CYB561: variants seen among roughly 807,000 people sequenced by gnomAD.
CYB561 encodes the protein cytochrome b561.
In CYB561, 11 loss-of-function variants were observed where a neutral mutation model predicts 25.3. The ratio of observed to expected loss-of-function variants is 0.44; its 90% confidence interval spans 0.27 to 0.72. The LOEUF is 0.72. Among genes scored for constraint, CYB561 ranks in the 30% least tolerant of loss-of-function variants. The pLI is 0.18. For synonymous variants in CYB561, 165 were observed against 158.8 expected, an observed-to-expected ratio of 1.04 and a Z score of -0.29; for missense variants, 295 against 334.9, an observed-to-expected ratio of 0.88 and a Z score of 0.93.
In CYB561 at chr17:63,434,580, G is replaced by GCGCT; in HGVS notation, c.574_577dup (p.Ala193GlufsTer4). The GCGCT allele has an allele frequency of 6.2e-7, 1 of 1,610,600 alleles. No individual in the cohort carries two copies. Among genetic ancestry groups the GCGCT allele is most frequent in the Non-Finnish European group, 8.5e-7 (1 of 1,179,830 alleles). On this transcript the variant is annotated frameshift_variant, in exon 6 of 6. Coordinates refer to ENST00000360793, the MANE Select transcript of CYB561 (RefSeq NM_001915.4). LOFTEE classifies it high-confidence loss of function. ...GGCCAGGACACCCTCGGGCTCAAAT[G>GCGCT]CGCTATACTTGCCCCTGCAGGGGTG...
chr17:63,434,464 C>T lies in CYB561; in HGVS notation c.694G>A (p.Glu232Lys), dbSNP rs1467268034. 6.2e-7 allele frequency: 1 copy of T among 1,606,954 alleles called. No individual in the cohort carries two copies. The highest frequency in any genetic ancestry group is 8.5e-7 in the Non-Finnish European group (1 of 1,176,952). The change falls in exon 6 of 6, where the codon GAG becomes AAG. Residue 232 changes from glutamate to lysine, a missense_variant. Physicochemically the swap from Glu to Lys is moderately conservative, Grantham distance 56. Transcript: ENST00000360793. ...ADWKRPSQAE[E>K]QALSMDFKTL... ...TTGAAGTCCATGGAGAGGGCCTGCT[C>T]TTCCGCCTGGGAAGGCCGCTTCCAG...
intron 1 of CYB561, among the ~76,000 whole-genome samples, chr17:63,441,516 G>A (rs1392004459): frequency 3.3e-5 from 5 of 152,248 alleles, no homozygotes; most frequent in African/African-American, 1.2e-4. Flanking sequence ...CTAAAGGGGC[G>A]TGCAGATGAG....
chr17:63,440,262 T>G, intron 1 of CYB561: 1 of 398,742 alleles, frequency 2.5e-6, no homozygotes. Context: ...CGCCAAGTTC[T>G]CTCATGCCCT....
intron 1 of CYB561, chr17:63,440,634 C>T: frequency 5.6e-6 from 1 of 177,950 alleles, no homozygotes. Context: ...CCCAGCCTGG[C>T]TCCCTGCTGT....
In CYB561 at chr17:63,435,173, T is replaced by C. The variant is rs1283008959; in HGVS notation, c.476A>G (p.Gln159Arg). ...GATGGTAGCACCAAAGAAGATGTGC[T>C]GTGGGCGGTAGCGGCTCCGCAGGGA... is the stretch of plus-strand genomic sequence containing the variant. ...SFSLRSRYRPQHIFFGATIFL... is the reference protein window; with the variant it reads ...SFSLRSRYRPRHIFFGATIFL... Residue 159 changes from glutamine (Q) to arginine (R), a missense_variant, in exon 5 of 6, where the codon CAG (glutamine) becomes CGG (arginine). Physicochemically the swap from Gln to Arg is conservative, Grantham distance 43 (BLOSUM62 1). Coordinates refer to ENST00000360793, the MANE Select transcript of CYB561 (RefSeq NM_001915.4). The C allele has an allele frequency of 6.2e-7, 1 of 1,614,222 alleles. No individual in the cohort carries two copies.
At chr17:63,441,940 T>A (rs1476089198) in intron 1 of CYB561, among the ~76,000 whole-genome samples, 2 of 151,982 alleles carry the variant, frequency 1.3e-5, no homozygotes, top group Admixed American at 6.5e-5. Context: ...AGGGAAGGGG[T>A]TACAGGAGGG....
rs1365070781 is a variant in CYB561, at chr17:63,436,783, CTT to C, written c.202+561_202+562del. On this transcript the variant is annotated intron_variant, in intron 2 of 5. Transcript: ENST00000360793. This position sits in a 1 kb window ranked among gnomAD's most constrained non-coding sequence, Gnocchi z 4.8. ...AGGCCAGGTCACGTGAGGAATGCCT[CTT>C]AGCTTTCTGCTGCTCAGGAATGGCT... 1.8e-5 allele frequency: 3 copies of C among 162,580 alleles called. No homozygotes were observed. Among genetic ancestry groups the C allele is most frequent in the Non-Finnish European group, 4.1e-5 (3 of 73,580 alleles). The allele number at this position is 162,580 out of a possible 1,614,324, so 10.1% of individuals were successfully genotyped here.
chr17:63,433,746 G>A lies in CYB561; in HGVS notation c.*656C>T, dbSNP rs2049260565. The stretch of plus-strand genomic sequence containing the variant: ...CAAGAGAAAGTCTGTCTGAAGTCAT[G>A]GGCTTCTATCCCCTCTCCCACCAAA... On this transcript the variant is annotated 3_prime_UTR_variant, in exon 6 of 6. Coordinates refer to ENST00000360793, the MANE Select transcript of CYB561 (RefSeq NM_001915.4). 2 of 230,062 alleles carry A rather than the reference G, an allele frequency of 8.7e-6. No homozygotes were observed. The highest frequency in any genetic ancestry group is 8.3e-6 in the Non-Finnish European group (1 of 119,974). 14.3% of individuals were successfully genotyped at this position (230,062 alleles called of 1,614,324 possible). A position where few individuals can be genotyped will look rare whatever the true frequency, so the allele number is the denominator to read the frequency against.
At position 63,446,253 on chromosome 17, in the gene CYB561, C is replaced by G. The variant is rs1429583895; in HGVS notation, c.-22G>C. The G allele has an allele frequency of 6.6e-6, 1 of 152,018 alleles. No homozygotes were observed. Among genetic ancestry groups the G allele is most frequent in the Non-Finnish European group, 1.5e-5 (1 of 68,006 alleles). 9.4% of individuals were successfully genotyped at this position (152,018 alleles called of 1,614,324 possible). A position where few individuals can be genotyped will look rare whatever the true frequency, so the allele number is the denominator to read the frequency against. On this transcript the variant is annotated 5_prime_UTR_variant, in exon 1 of 6. Transcript: ENST00000360793. ...CCAGCCCGGCCTCCTACCTTGCCTA[C>G]CCGAGCGTCCCTTCAGCCTCCCCGC...
rs1464759555 is a variant in CYB561 at position 63,438,454 on chromosome 17, C to T, written c.-13-894G>A. The T allele has an allele frequency of 9.4e-5, 47 of 498,126 alleles. 1 individual carries two copies. Among genetic ancestry groups the T allele is most frequent in the African/African-American group, 9.2e-4 (45 of 48,726 alleles). 30.9% of individuals were successfully genotyped at this position (498,126 alleles called of 1,614,324 possible). A position where few individuals can be genotyped will look rare whatever the true frequency, so the allele number is the denominator to read the frequency against. On this transcript the variant is annotated intron_variant, in intron 1 of 5. Coordinates refer to ENST00000360793, the MANE Select transcript of CYB561 (RefSeq NM_001915.4). ...AGGAGAGCCAGCCCCGCTCCCCCCA[C>T]GCCCCCGCCCGCCCCCCACCCCGCT...
intron 1 of CYB561, chr17:63,437,970 G>GCCC: frequency 7.8e-6 from 5 of 643,050 alleles, no homozygotes; most frequent in African/African-American, 2.1e-5. Flanking sequence ...TCCCACGGCG[G>GCCC]CCCCGCCACC....
In CYB561 at chr17:63,443,351, G is replaced by A. The variant is rs531857072; in HGVS notation, c.-14+2894C>T. On this transcript the variant is annotated intron_variant, in intron 1 of 5. Coordinates refer to ENST00000360793, the MANE Select transcript of CYB561 (RefSeq NM_001915.4). ...GGCATTACAGGAGGGTGAACAAGCC[G>A]CAGGGGCTGCATTTCCATTTATCCT... 8.5e-5 allele frequency among the ~76,000 whole-genome samples: 13 copies of A among 152,280 alleles called. No homozygotes were observed. In the South Asian group the frequency reaches 1.0e-3, roughly 12 times the overall value.
intron 1 of CYB561, among the ~76,000 whole-genome samples, chr17:63,440,482 C>G (rs956027451): frequency 9.9e-5 from 15 of 152,222 alleles, no homozygotes; most frequent in Non-Finnish European, 1.8e-4. Context: ...CAACATCATG[C>G]TGTCCCCTGC....
At position 63,436,002 on chromosome 17, in the gene CYB561, C is replaced by T. The variant is rs768407019; in HGVS notation, c.301+52G>A. 1.2e-6 allele frequency: 2 copies of T among 1,613,182 alleles called. No individual in the cohort carries two copies. The highest frequency in any genetic ancestry group is 2.7e-5 in the African/African-American group (2 of 75,062). Reference sequence around the variant, plus strand: ...CAGAGCAGGTGAAGCGGCTGTTTGCCATACCTGAAGAGGCAGGCAGGTGGC... The same window carrying T: ...CAGAGCAGGTGAAGCGGCTGTTTGCTATACCTGAAGAGGCAGGCAGGTGGC... On this transcript the variant is annotated intron_variant, in intron 3 of 5. Transcript: ENST00000360793. This position sits in a 1 kb window ranked among gnomAD's most constrained non-coding sequence, Gnocchi z 4.8.
chr17:63,437,537 C>T lies in CYB561; in HGVS notation c.11G>A (p.Gly4Glu), dbSNP rs1381746238. The T allele has an allele frequency of 1.2e-6, 2 of 1,610,078 alleles. No individual in the cohort carries two copies. The highest frequency in any genetic ancestry group is 2.7e-5 in the African/African-American group (2 of 74,894). The change falls in exon 2 of 6, where the codon GGG becomes GAG. Residue 4 changes from glycine (G) to glutamate (E), a missense_variant. Gly to Glu is a moderately conservative substitution (Grantham distance 98). Coordinates refer to ENST00000360793, the MANE Select transcript of CYB561 (RefSeq NM_001915.4). MEG[G>E]AAAATPTALP... Reference sequence around the variant, plus strand: ...TGCTGTGGGGGTGGCTGCCGCGGCCCCGCCCTCCATGCTGAGGCAAACGCT... The same window carrying T: ...TGCTGTGGGGGTGGCTGCCGCGGCCTCGCCCTCCATGCTGAGGCAAACGCT...
In CYB561 at chr17:63,434,065, C is replaced by T; in HGVS notation, c.*337G>A. On this transcript the variant is annotated 3_prime_UTR_variant, in exon 6 of 6. Coordinates refer to ENST00000360793, the MANE Select transcript of CYB561 (RefSeq NM_001915.4). ...TTTCCCCTGGCCTTGCCCCAGGCAT[C>T]TGCTGCCAGGAGGGTGGGGCCTCCT... is the stretch of plus-strand genomic sequence containing the variant. 3.6e-6 allele frequency: 1 copy of T among 278,830 alleles called. No individual in the cohort carries two copies. The highest frequency in any genetic ancestry group is 6.7e-6 in the Non-Finnish European group (1 of 149,904). The allele number at this position is 278,830 out of a possible 1,614,324, so 17.3% of individuals were successfully genotyped here.
At chr17:63,440,289 GGCT>G in intron 1 of CYB561, 1 of 398,628 alleles carries the variant, frequency 2.5e-6, no homozygotes, top group Non-Finnish European at 4.4e-6. Context: ...TAGCTAGCAG[GGCT>G]GCCCTTCTTC....
intron 1 of CYB561, among the ~76,000 whole-genome samples, chr17:63,442,481 G>A (rs547142088): frequency 3.2e-4 from 49 of 152,234 alleles, no homozygotes; most frequent in South Asian, 1.4e-3. Flanking sequence ...ATACTCTCTC[G>A]CTCTTCCCTC....
chr17:63,440,393 C>G (rs2049363002), intron 1 of CYB561, among the ~76,000 whole-genome samples: 2 of 152,182 alleles, frequency 1.3e-5, no homozygotes, highest in African/African-American at 2.4e-5. Context: ...CCTGAGCATC[C>G]TCACTGCCCC....
Sources: gnomAD v4.1 joint callset for allele counts (sites outside exome capture counted in the v4.1 genomes callset) on GRCh38, gnomAD v4.1.1 for gene constraint, Gnocchi (gnomAD v3.1) non-coding constraint, MANE v1.5 for transcripts, NCBI Gene and HGNC (gene_info 2026-07-23, HGNC 2026-07-21) for gene names.